NCF1: variants seen among roughly 807,000 people sequenced by gnomAD.
The protein encoded by NCF1 is neutrophil cytosol factor 1.
In NCF1, 8 loss-of-function variants were observed where a neutral mutation model predicts 34.9. The observed-to-expected ratio is 0.23, with a 90% CI of 0.13 to 0.41. The LOEUF (loss-of-function observed/expected upper bound fraction) is 0.41, where lower values mean the gene tolerates loss of function less well. NCF1 is among the 10% of genes least tolerant of loss of function. The probability of loss-of-function intolerance (pLI) is 1.00; values close to 1 mark genes in which losing one functional copy is unlikely to be tolerated. For missense variants in NCF1, 122 were observed against 362.4 expected, an observed-to-expected ratio of 0.34 and a Z score of 5.39; for synonymous variants, 57 against 146.3, an observed-to-expected ratio of 0.39 and a Z score of 4.41.
chr7:74,775,879 G>A (rs1342524573), intron 1 of NCF1, among the ~76,000 whole-genome samples: 1 of 149,966 alleles, frequency 6.7e-6, no homozygotes, highest in Non-Finnish European at 1.5e-5. Flanking sequence ...GAATACAGGT[G>A]CGCGCCACCA....
chr7:74,781,241 T>G (rs1268368281), intron 5 of NCF1, among the ~76,000 whole-genome samples: 3 of 25,294 alleles, frequency 1.2e-4, no homozygotes, highest in Non-Finnish European at 2.0e-4. Context: ...CCAGACTCCA[T>G]CTCAAAAAAA....
rs1405042153 is a variant in NCF1, at chr7:74,788,288, C to T, written c.905+200C>T. Reference sequence around the variant, plus strand: ...GGGGCGGAAGGAAAGCGGCGATGCCCGGGGGCTTTGGGGATGGGCAGTCCA... The same window carrying T: ...GGGGCGGAAGGAAAGCGGCGATGCCTGGGGGCTTTGGGGATGGGCAGTCCA... On this transcript the variant is annotated intron_variant, in intron 9 of 10. Transcript: ENST00000289473. 2 of 211,128 alleles carry T rather than the reference C, an allele frequency of 9.5e-6. 1 individual carries two copies. Among genetic ancestry groups the T allele is most frequent in the African/African-American group, 3.1e-4 (2 of 6,534 alleles). The allele number at this position is 211,128 out of a possible 1,614,324, so 13.1% of individuals were successfully genotyped here.
intron 1 of NCF1, among the ~76,000 whole-genome samples, chr7:74,775,803 G>A (rs1176950455): frequency 2.1e-5 from 3 of 140,780 alleles, no homozygotes; most frequent in African/African-American, 2.6e-5. Context: ...GTGCAATCTC[G>A]GCTCATTGCA....
chr7:74,781,909 T>C (rs1244851253), intron 5 of NCF1, among the ~76,000 whole-genome samples: 3 of 150,838 alleles, frequency 2.0e-5, no homozygotes, highest in Non-Finnish European at 4.4e-5. Flanking sequence ...TTTAATTACC[T>C]CTTGAAACGT....
Position 74,788,069 on chromosome 7 carries a change from C to T in NCF1, c.886C>T (p.Arg296Trp). ...GTCCCAGGCCCAACGCCAGATCAAGCGGGGGGCGCCGCCCCGCAGGTAAGC... is the reference window on the plus strand; with the variant it reads ...GTCCCAGGCCCAACGCCAGATCAAGTGGGGGGCGCCGCCCCGCAGGTAAGC... ...DVSQAQRQIK[R>W]GAPPRRSSIR... Residue 296 changes from arginine to tryptophan, a missense_variant, in exon 9 of 11, where the codon CGG (arginine) becomes TGG (tryptophan). This residue lies in a region of NCF1 where 2 missense variants were observed against 33.2 expected (regional missense o/e 0.06). Transcript: ENST00000289473. 1 of 157,490 alleles carries T rather than the reference C, an allele frequency of 6.3e-6. No homozygotes were observed. Among genetic ancestry groups the T allele is most frequent in the South Asian group, 5.3e-5 (1 of 18,938 alleles). 9.8% of individuals were successfully genotyped at this position (157,490 alleles called of 1,614,324 possible).
chr7:74,783,178 G>A lies in NCF1; in HGVS notation c.574+117G>A, dbSNP rs587674298. The A allele has an allele frequency of 2.6e-6, 4 of 1,537,480 alleles. No individual in the cohort carries two copies. The South Asian group carries it at 3.6e-5, about 14-fold the overall frequency. On this transcript the variant is annotated intron_variant, in intron 6 of 10. Transcript: ENST00000289473. ...TGGGAGGACTCCGGCTCTGTTAGGGGCCCTAAATGTCCTCCCCACACTGTG... is the reference window on the plus strand; with the variant it reads ...TGGGAGGACTCCGGCTCTGTTAGGGACCCTAAATGTCCTCCCCACACTGTG...
intron 1 of NCF1, 27 bp from the exon 2 acceptor site, chr7:74,777,240 G>C (rs1361285548): frequency 1.9e-5 from 31 of 1,610,048 alleles, no homozygotes; most frequent in Non-Finnish European, 2.5e-5. Flanking sequence ...GGCTGAATGG[G>C]GTCCCCCGAC....
intron 8 of NCF1, among the ~76,000 whole-genome samples, chr7:74,786,994 T>G (rs2718268): frequency 0.16 from 23,298 of 144,030 alleles, 3,524 homozygotes; most frequent in African/African-American, 0.42. Context: ...AAAGAAAGTC[T>G]TTTCAACAAA....
intron 2 of NCF1, chr7:74,777,619 C>T (rs1344782171): frequency 3.9e-5 from 15 of 385,132 alleles, no homozygotes; most frequent in East Asian, 1.4e-4. Flanking sequence ...AGTGCAGGGG[C>T]GCAATCATAG....
At chr7:74,782,560 G>T (rs1319238083) in intron 5 of NCF1, among the ~76,000 whole-genome samples, 9 of 144,986 alleles carry the variant, frequency 6.2e-5, no homozygotes, top group Middle Eastern at 3.5e-3. Flanking sequence ...CCTGGGCATT[G>T]TCCCAAGACC....
intron 9 of NCF1, 43 bp from the exon 10 acceptor site, chr7:74,788,516 G>T: frequency 8.5e-6 from 13 of 1,525,480 alleles, no homozygotes; most frequent in South Asian, 1.2e-5. Flanking sequence ...CTGGGGGCAG[G>T]GGCGCCCTCG....
chr7:74,776,200 A>C (rs1584368448), intron 1 of NCF1, among the ~76,000 whole-genome samples: 1 of 33,406 alleles, frequency 3.0e-5, no homozygotes, highest in Admixed American at 3.3e-4. Context: ...GCCCGCCTCG[A>C]CCTCCCAAAG....
At chr7:74,778,644 C>T (rs797034364) in intron 2 of NCF1, among the ~76,000 whole-genome samples, 8 of 147,408 alleles carry the variant, frequency 5.4e-5, no homozygotes, top group African/African-American at 2.0e-4. Flanking sequence ...AGTGCCTCTG[C>T]TAATCAAGGA....
intron 2 of NCF1, chr7:74,777,643 C>T (rs1327622527): frequency 1.7e-5 from 6 of 359,774 alleles, no homozygotes; most frequent in Non-Finnish European, 3.3e-5. Flanking sequence ...ACTGCAGCCT[C>T]GACCTCTGGG....
Position 74,777,383 on chromosome 7 carries a change from C to T in NCF1, c.153+36C>T, listed in dbSNP as rs377662255. On this transcript the variant is annotated intron_variant, in intron 2 of 10. Coordinates refer to ENST00000289473, the MANE Select transcript of NCF1 (RefSeq NM_000265.7). Reference sequence around the variant, plus strand: ...GGATGGAGGAGGGACAGGGACCCACCGTTCCAGCTCCACCCTTTGGGAAGG... The same window carrying T: ...GGATGGAGGAGGGACAGGGACCCACTGTTCCAGCTCCACCCTTTGGGAAGG... The T allele has an allele frequency of 0.015, 22,369 of 1,457,970 alleles. 131 individuals carry two copies. The highest frequency in any genetic ancestry group is 0.02 in the Middle Eastern group (105 of 5,206). The allele number at this position is 1,457,970 out of a possible 1,614,324, so 90.3% of individuals were successfully genotyped here.
intron 7 of NCF1, among the ~76,000 whole-genome samples, 175 bp downstream of exon 7, chr7:74,783,807 T>C (rs1796623599): frequency 6.6e-6 from 1 of 152,188 alleles, no homozygotes; most frequent in Admixed American, 6.5e-5. Flanking sequence ...GCCCTTGGTC[T>C]GGACAGGGAA....
chr7:74,786,490 G>A (rs1796677069), intron 8 of NCF1, among the ~76,000 whole-genome samples: 2 of 152,012 alleles, frequency 1.3e-5, no homozygotes, highest in Non-Finnish European at 1.5e-5. Flanking sequence ...TCACTCAAGC[G>A]ATCCTCCCAC....
At chr7:74,783,179 C>A in intron 6 of NCF1, 118 bp downstream of exon 6, 3 of 1,530,956 alleles carry the variant, frequency 2.0e-6, no homozygotes, top group Non-Finnish European at 1.8e-6. Flanking sequence ...CTGTTAGGGG[C>A]CCTAAATGTC....
At chr7:74,785,669 G>A in intron 8 of NCF1, 1 of 346,938 alleles carries the variant, frequency 2.9e-6, no homozygotes, top group Non-Finnish European at 5.7e-6. Context: ...GATCATGTGA[G>A]GTCAGGAGTT....
Sources: allele counts gnomAD v4.1 joint callset (sites outside exome capture counted in the v4.1 genomes callset), GRCh38; gene constraint gnomAD v4.1.1; regional missense constraint gnomAD v4.1.1; transcripts MANE v1.5; gene names NCBI Gene and HGNC (gene_info 2026-07-23, HGNC 2026-07-21).